Variants in CPVL observed in about 807,000 individuals in gnomAD.
CPVL encodes probable serine carboxypeptidase CPVL.
CPVL carries 51 observed loss-of-function variants against 63.7 expected under a neutral mutation model. The observed-to-expected ratio is 0.80, with a 90% CI of 0.64 to 1.01. CPVL has a LOEUF of 1.01. CPVL is among the 50% of genes least tolerant of loss of function. The pLI is 0.00. For synonymous variants in CPVL, 195 were observed against 206.0 expected, an observed-to-expected ratio of 0.95 and a Z score of 0.46; for missense variants, 530 against 573.1, an observed-to-expected ratio of 0.92 and a Z score of 0.77.
At chr7:29,183,803 C>T (rs1448631108) in intron 4 of CPVL, among the ~76,000 whole-genome samples, 1 of 152,128 alleles carries the variant, frequency 6.6e-6, no homozygotes, top group African/African-American at 2.4e-5. Context: ...ATAGGAGATA[C>T]ATATGCAGTC....
At chr7:29,192,725 G>A (rs1783052592) in intron 1 of CPVL, 1 of 152,128 alleles carries the variant, frequency 6.6e-6, no homozygotes, top group African/African-American at 2.4e-5. Context: ...TGTGGCAGGT[G>A]TAGAAACTGA....
chr7:29,096,545 A>G (rs1380031473), intron 3 of CPVL: 4 of 351,634 alleles, frequency 1.1e-5, no homozygotes, highest in Admixed American at 4.0e-5. Context: ...GCATGGTTAT[A>G]TATTTTTAGC....
At chr7:29,083,317 C>G (rs1050535514) in intron 7 of CPVL, among the ~76,000 whole-genome samples, 4 of 152,354 alleles carry the variant, frequency 2.6e-5, no homozygotes, top group Admixed American at 2.0e-4. Flanking sequence ...GGAGACCACT[C>G]ATTTCCAACT....
intron 12 of CPVL, among the ~76,000 whole-genome samples, chr7:29,020,877 A>G (rs1215739987): frequency 6.6e-6 from 1 of 152,246 alleles, no homozygotes; most frequent in East Asian, 1.9e-4. Context: ...ATTAAATCAT[A>G]TTAAGATGAT....
intron 3 of CPVL, among the ~76,000 whole-genome samples, chr7:29,104,449 C>T (rs200109139): frequency 1.9e-4 from 29 of 152,024 alleles, no homozygotes; most frequent in Non-Finnish European, 3.1e-4. Flanking sequence ...TTATTAGAGA[C>T]GGGGTTGCAC....
chr7:29,019,743 C>T (rs142482641), intron 12 of CPVL, among the ~76,000 whole-genome samples: 174 of 152,332 alleles, frequency 1.1e-3, no homozygotes, highest in African/African-American at 4.0e-3. Context: ...ATAAACCTCA[C>T]AGAGAATGCC....
intron 1 of CPVL, among the ~76,000 whole-genome samples, chr7:29,136,934 T>A (rs1791286548): frequency 6.6e-6 from 1 of 152,148 alleles, no homozygotes; most frequent in South Asian, 2.1e-4. Context: ...ACCAACTGAA[T>A]CTCCTAGATG....
intron 12 of CPVL, among the ~76,000 whole-genome samples, chr7:28,999,191 GAC>G (rs1411902402): frequency 3.9e-5 from 6 of 152,088 alleles, no homozygotes; most frequent in African/African-American, 1.4e-4. Flanking sequence ...CAGCCTGGGC[GAC>G]AGAGTGAGAC....
intron 5 of CPVL, among the ~76,000 whole-genome samples, chr7:29,173,906 C>G (rs1796926801): frequency 6.7e-6 from 1 of 150,012 alleles, no homozygotes; most frequent in Admixed American, 6.6e-5. Context: ...GAGCTGAGAT[C>G]ACACCACTGC....
chr7:29,141,453 G>T (rs1791870782), intron 1 of CPVL, among the ~76,000 whole-genome samples: 1 of 152,086 alleles, frequency 6.6e-6, no homozygotes, highest in Admixed American at 6.5e-5. Context: ...GGGAAGGTGA[G>T]GCAAGAGAAT....
At chr7:29,193,339 A>G (rs2128757358) in intron 1 of CPVL, 1 of 152,156 alleles carries the variant, frequency 6.6e-6, no homozygotes, top group South Asian at 2.1e-4. Flanking sequence ...TATTCACTGT[A>G]TGTTAGGTCC....
At chr7:29,177,046 G>T (rs1006516700) in intron 5 of CPVL, among the ~76,000 whole-genome samples, 11 of 152,040 alleles carry the variant, frequency 7.2e-5, no homozygotes, top group African/African-American at 2.7e-4. Context: ...AATATAGATG[G>T]AAGAGGCAAA....
At chr7:29,111,212 G>C (rs1303536399) in intron 3 of CPVL, among the ~76,000 whole-genome samples, 1 of 152,210 alleles carries the variant, frequency 6.6e-6, no homozygotes, top group Admixed American at 6.5e-5. Context: ...GACATCAATA[G>C]ATATGATATA....
Position 29,065,960 on chromosome 7 carries a change from A to C in CPVL, c.963+63T>G, listed in dbSNP as rs915994679. 6.6e-6 allele frequency: 6 copies of C among 905,950 alleles called. No homozygotes were observed. In the African/African-American group the frequency reaches 1.0e-4, roughly 15 times the overall value. The allele number at this position is 905,950 out of a possible 1,614,324, so 56.1% of individuals were successfully genotyped here. A position where few individuals can be genotyped will look rare whatever the true frequency, so the allele number is the denominator to read the frequency against. Reference sequence around the variant, plus strand: ...TCATCTATAATATTTCCCAAATCAAAGGAAGTTCGGTTTTGCCAAAAGTTT... The same window carrying C: ...TCATCTATAATATTTCCCAAATCAACGGAAGTTCGGTTTTGCCAAAAGTTT... On this transcript the variant is annotated intron_variant, in intron 10 of 12. Coordinates refer to ENST00000265394, the MANE Select transcript of CPVL (RefSeq NM_031311.5).
At chr7:29,034,123 A>G (rs752454883) in intron 11 of CPVL, among the ~76,000 whole-genome samples, 1 of 152,046 alleles carries the variant, frequency 6.6e-6, no homozygotes, top group Non-Finnish European at 1.5e-5. Context: ...ATTTTTTTTA[A>G]GAGACAGTCT....
rs117694616 is a variant in CPVL at position 29,088,277 on chromosome 7, G to C, written c.543-1727C>G. ...ATATACTTACATTAAAATTTTATTT[G>C]TTGTTTACCTGAAATTCAAATTTAA... On this transcript the variant is annotated intron_variant, in intron 6 of 12. Transcript: ENST00000265394. Among the ~76,000 whole-genome samples, 1,089 of 152,206 alleles carry C rather than the reference G, an allele frequency of 7.2e-3. 45 individuals carry two copies. Among genetic ancestry groups the C allele is most frequent in the Admixed American group, 0.061 (931 of 15,286 alleles).
intron 1 of CPVL, among the ~76,000 whole-genome samples, chr7:29,128,533 C>A (rs141541394): frequency 6.6e-6 from 1 of 151,786 alleles, no homozygotes; most frequent in South Asian, 2.1e-4. Flanking sequence ...CTGGCCAACA[C>A]GGTGAAACCC....
chr7:29,068,007 CTT>C (rs773666067), intron 9 of CPVL, among the ~76,000 whole-genome samples: 17 of 141,280 alleles, frequency 1.2e-4, no homozygotes, highest in Non-Finnish European at 9.3e-5. Context: ...TATTCATATT[CTT>C]TTTTTTTTTT....
chr7:29,042,491 G>A (rs776969965), intron 11 of CPVL, among the ~76,000 whole-genome samples: 9 of 152,086 alleles, frequency 5.9e-5, no homozygotes, highest in Non-Finnish European at 4.4e-5. Flanking sequence ...TGTAGTCCCA[G>A]CTACTTGGGA....
Sources: gnomAD v4.1 joint callset for allele counts (sites outside exome capture counted in the v4.1 genomes callset) on GRCh38, gnomAD v4.1.1 for gene constraint, MANE v1.5 for transcripts, NCBI Gene and HGNC (gene_info 2026-07-23, HGNC 2026-07-21) for gene names.